The following KCNQ3 variants were observed in gnomAD, a reference collection of about 807,000 sequenced individuals.
KCNQ3 encodes potassium voltage-gated channel subfamily Q member 3, also known as potassium voltage-gated channel subfamily KQT member 3.
In KCNQ3, 30 loss-of-function variants were observed where a neutral mutation model predicts 92.5. That is an observed-to-expected ratio of 0.32 (90% CI 0.24 to 0.44). The LOEUF is 0.44. Among genes scored for constraint, KCNQ3 ranks in the 20% least tolerant of loss-of-function variants. The pLI is 1.00. For missense variants in KCNQ3, 913 were observed against 1,140.3 expected (o/e 0.80, Z 2.87); for synonymous variants, 450 against 468.8 (o/e 0.96, Z 0.52).
intron 1 of KCNQ3, among the ~76,000 whole-genome samples, chr8:132,372,759 C>CAAAAAAAAAAAAAAAAAAAA (rs749955464): frequency 1.5e-5 from 1 of 67,746 alleles, no homozygotes; most frequent in Non-Finnish European, 2.7e-5. Flanking sequence ...GACTTTGTCT[C>CAAAAAAAAAAAAAAAAAAAA]AAAAAAAAAA....
intron 1 of KCNQ3, among the ~76,000 whole-genome samples, chr8:132,357,072 C>G (rs768431369): frequency 2.0e-5 from 3 of 152,184 alleles, no homozygotes; most frequent in Non-Finnish European, 4.4e-5. Context: ...AGTTGAGTCA[C>G]TTGCCCAGGG....
intron 1 of KCNQ3, among the ~76,000 whole-genome samples, chr8:132,221,759 C>A (rs62519653): frequency 0.032 from 4,857 of 152,162 alleles, 135 homozygotes; most frequent in Non-Finnish European, 0.048. Context: ...AGAAATAACA[C>A]CACACATCTA....
At chr8:132,451,447 G>A (rs1821819932) in intron 1 of KCNQ3, among the ~76,000 whole-genome samples, 1 of 152,184 alleles carries the variant, frequency 6.6e-6, no homozygotes, top group African/African-American at 2.4e-5. Flanking sequence ...ACGTTATCCT[G>A]TCCCTCCTCT....
At chr8:132,471,589 G>A (rs13258052) in intron 1 of KCNQ3, among the ~76,000 whole-genome samples, 11,183 of 152,100 alleles carry the variant, frequency 0.074, 584 homozygotes, top group Admixed American at 0.13. Context: ...ATAATGAAAC[G>A]ACCTCTATGC....
intron 1 of KCNQ3, among the ~76,000 whole-genome samples, chr8:132,401,631 C>A (rs547176214): frequency 6.6e-6 from 1 of 152,330 alleles, no homozygotes; most frequent in South Asian, 2.1e-4. Flanking sequence ...GCCTCGGCCT[C>A]CCAAAGTTCT....
intron 8 of KCNQ3, among the ~76,000 whole-genome samples, chr8:132,168,809 G>C (rs1019754392): frequency 2.0e-5 from 3 of 148,054 alleles, no homozygotes; most frequent in Non-Finnish European, 4.4e-5. Flanking sequence ...TGGGCACAGA[G>C]AGAGCCCCCT....
chr8:132,317,785 GGAGT>G (rs1817785746), intron 1 of KCNQ3, among the ~76,000 whole-genome samples: 1 of 152,164 alleles, frequency 6.6e-6, no homozygotes, highest in Non-Finnish European at 1.5e-5. Flanking sequence ...TGTGGAGATT[GGAGT>G]GAGAGGAGCT....
chr8:132,463,591 G>A (rs937817391), intron 1 of KCNQ3, among the ~76,000 whole-genome samples: 9 of 152,144 alleles, frequency 5.9e-5, no homozygotes, highest in Non-Finnish European at 7.4e-5. Context: ...CCTGGAGGTC[G>A]TGTGGTCTAG....
chr8:132,211,293 A>G (rs1172901113), intron 1 of KCNQ3, among the ~76,000 whole-genome samples: 1 of 152,228 alleles, frequency 6.6e-6, no homozygotes, highest in Non-Finnish European at 1.5e-5. Flanking sequence ...CATTGGTTAG[A>G]TTACACCCTT....
intron 1 of KCNQ3, among the ~76,000 whole-genome samples, chr8:132,428,967 A>T (rs988072260): frequency 2.6e-5 from 4 of 152,266 alleles, no homozygotes; most frequent in Non-Finnish European, 5.9e-5. Flanking sequence ...AGCAGGAACG[A>T]CACAATGACT....
chr8:132,224,537 C>A (rs1814344280), intron 1 of KCNQ3, among the ~76,000 whole-genome samples: 1 of 152,066 alleles, frequency 6.6e-6, no homozygotes, highest in Non-Finnish European at 1.5e-5. Context: ...ATCTGACTCA[C>A]AAACTTCTCC....
chr8:132,440,784 C>T (rs1563913125), intron 1 of KCNQ3, among the ~76,000 whole-genome samples: 1 of 152,168 alleles, frequency 6.6e-6, no homozygotes, highest in Non-Finnish European at 1.5e-5. Context: ...TGCCACTCTG[C>T]CACCCTCACA....
In KCNQ3 at chr8:132,140,090, G is replaced by A; in HGVS notation, c.1554C>T (p.Ala518=). 6.3e-7 allele frequency: 1 copy of A among 1,599,508 alleles called. No homozygotes were observed. Among genetic ancestry groups the A allele is most frequent in the Non-Finnish European group, 8.5e-7 (1 of 1,172,916 alleles). Residue 518 remains alanine, a synonymous_variant, in exon 11 of 15, where the codon GCC becomes GCT. Coordinates refer to ENST00000388996, the MANE Select transcript of KCNQ3 (RefSeq NM_004519.4). ...GGGGGCATTACCTGACGGCTCGGAT[G>A]GCGGCCTTCAGGGTGGGGATCATGT... ...IEDMIPTLKA[A]IRAVRILQFR...
At chr8:132,223,458 G>A (rs1253330464) in intron 1 of KCNQ3, among the ~76,000 whole-genome samples, 1 of 152,156 alleles carries the variant, frequency 6.6e-6, no homozygotes, top group African/African-American at 2.4e-5. Flanking sequence ...AGAGGTGCTG[G>A]TATTTGAGTT....
intron 1 of KCNQ3, among the ~76,000 whole-genome samples, chr8:132,372,726 C>T (rs889037743): frequency 7.4e-6 from 1 of 134,582 alleles, no homozygotes; most frequent in African/African-American, 3.0e-5. Context: ...CATTGCACCA[C>T]TTCAGCCTGG....
intron 9 of KCNQ3, among the ~76,000 whole-genome samples, chr8:132,156,573 C>T (rs892406172): frequency 1.3e-5 from 2 of 152,126 alleles, no homozygotes; most frequent in Non-Finnish European, 2.9e-5. Flanking sequence ...CTAGTATCCC[C>T]AGTGGTGTAG....
intron 1 of KCNQ3, among the ~76,000 whole-genome samples, chr8:132,360,508 C>T (rs904602065): frequency 1.3e-5 from 2 of 152,164 alleles, no homozygotes; most frequent in African/African-American, 4.8e-5. Context: ...GGTTCAGGAA[C>T]CTCTGGTGGA....
intron 1 of KCNQ3, among the ~76,000 whole-genome samples, chr8:132,200,453 T>G (rs1389296545): frequency 6.6e-6 from 1 of 151,464 alleles, no homozygotes; most frequent in Admixed American, 6.6e-5. Flanking sequence ...TGATGTAAAC[T>G]ATGAGCCAAA....
chr8:132,228,106 G>A (rs143217911), intron 1 of KCNQ3, among the ~76,000 whole-genome samples: 6 of 152,256 alleles, frequency 3.9e-5, no homozygotes, highest in South Asian at 2.1e-4. Flanking sequence ...AACCAAAGCC[G>A]CTGCAATTAG....
Sources: gnomAD v4.1 joint callset for allele counts (sites outside exome capture counted in the v4.1 genomes callset) on GRCh38, gnomAD v4.1.1 for gene constraint, MANE v1.5 for transcripts, NCBI Gene and HGNC (gene_info 2026-07-23, HGNC 2026-07-21) for gene names.